EDIL3: variants seen among roughly 807,000 people sequenced by gnomAD.
EDIL3 encodes the protein EGF-like repeat and discoidin I-like domain-containing protein 3.
In EDIL3, 37 loss-of-function variants were observed where a neutral mutation model predicts 67.4. That is an observed-to-expected ratio of 0.55 (90% confidence interval 0.42 to 0.72). The LOEUF (loss-of-function observed/expected upper bound fraction) is 0.72, where lower values mean the gene tolerates loss of function less well. Among genes scored for constraint, EDIL3 ranks in the 30% least tolerant of loss-of-function variants. EDIL3 has a pLI of 0.00. For synonymous variants in EDIL3, 195 were observed against 196.3 expected (o/e 0.99, Z 0.05); for missense variants, 527 against 586.3 (o/e 0.90, Z 1.04).
chr5:84,218,208 G>A (rs960454491), intron 3 of EDIL3, among the ~76,000 whole-genome samples: 1 of 152,088 alleles, frequency 6.6e-6, no homozygotes, highest in Non-Finnish European at 1.5e-5. Context: ...ATAAAATTTT[G>A]TGTTTTGGCT....
At chr5:84,094,102 G>A (rs565638348) in intron 6 of EDIL3, among the ~76,000 whole-genome samples, 1 of 152,294 alleles carries the variant, frequency 6.6e-6, no homozygotes, top group South Asian at 2.1e-4. Flanking sequence ...TATAACTGTG[G>A]TAAATGACCA....
chr5:84,041,559 C>T (rs565491345), intron 9 of EDIL3, among the ~76,000 whole-genome samples: 267 of 139,914 alleles, frequency 1.9e-3, no homozygotes, highest in Admixed American at 3.5e-3. Flanking sequence ...TATATATATA[C>T]ATATATAGTA....
chr5:84,004,926 T>C (rs571664173), intron 9 of EDIL3, among the ~76,000 whole-genome samples: 22 of 152,034 alleles, frequency 1.4e-4, no homozygotes, highest in Non-Finnish European at 2.8e-4. Context: ...TAAATAAGAT[T>C]GATAAAGTGC....
At chr5:84,247,700 T>C (rs1253019931) in intron 2 of EDIL3, among the ~76,000 whole-genome samples, 2 of 152,000 alleles carry the variant, frequency 1.3e-5, no homozygotes, top group Non-Finnish European at 2.9e-5. Context: ...ATATGATAGG[T>C]AAAAGAGGAT....
Position 84,160,788 on chromosome 5 carries a change from TCC to T in EDIL3, c.355+19603_355+19604del, listed in dbSNP as rs1175226810. On this transcript the variant is annotated intron_variant, in intron 4 of 10. Coordinates refer to ENST00000296591, the MANE Select transcript of EDIL3 (RefSeq NM_005711.5). ...TCCTTTCCTTTCCTTTCCTTTCCTTTCCTTTCCTTTCCTTTCCTTTCCTTTCC... is the reference window on the plus strand; with the variant it reads ...TCCTTTCCTTTCCTTTCCTTTCCTTTTTTCCTTTCCTTTCCTTTCCTTTCC... Among the ~76,000 whole-genome samples the T allele has an allele frequency of 1.8e-3, 233 of 132,270 alleles. 3 individuals carry two copies. Among genetic ancestry groups the T allele is most frequent in the African/African-American group, 6.7e-3 (228 of 34,202 alleles). The allele number at this position is 132,270 out of a possible 152,430, so 86.8% of individuals were successfully genotyped here.
chr5:84,182,476 A>G (rs565957794), intron 3 of EDIL3, among the ~76,000 whole-genome samples: 138 of 152,084 alleles, frequency 9.1e-4, no homozygotes, highest in African/African-American at 3.1e-3. Flanking sequence ...ACTTTAAAAA[A>G]AACAAACAAA....
At chr5:84,291,794 C>T (rs13177807) in intron 1 of EDIL3, among the ~76,000 whole-genome samples, 1 of 146,494 alleles carries the variant, frequency 6.8e-6, no homozygotes, top group Non-Finnish European at 1.5e-5. Context: ...GATATATACA[C>T]ACACATATAT....
chr5:83,944,300 C>A (rs1744275332), intron 10 of EDIL3, among the ~76,000 whole-genome samples: 1 of 151,692 alleles, frequency 6.6e-6, no homozygotes, highest in South Asian at 2.1e-4. Flanking sequence ...TCTATTAATT[C>A]CTGGATCCAT....
chr5:84,011,869 C>G (rs1745522777), intron 9 of EDIL3, among the ~76,000 whole-genome samples: 1 of 152,096 alleles, frequency 6.6e-6, no homozygotes, highest in African/African-American at 2.4e-5. Flanking sequence ...CATTTACATA[C>G]TCTCTCTCTA....
intron 3 of EDIL3, among the ~76,000 whole-genome samples, chr5:84,208,510 T>A (rs1744036482): frequency 6.7e-6 from 1 of 150,160 alleles, no homozygotes; most frequent in African/African-American, 2.5e-5. Flanking sequence ...AAACCCCGTC[T>A]CTACCAAAAA....
At chr5:84,013,284 A>T (rs1339081978) in intron 9 of EDIL3, among the ~76,000 whole-genome samples, 1 of 152,098 alleles carries the variant, frequency 6.6e-6, no homozygotes, top group Non-Finnish European at 1.5e-5. Context: ...CTTCAATCTA[A>T]AAACAATAAG....
chr5:84,215,406 A>G (rs1744208625), intron 3 of EDIL3, among the ~76,000 whole-genome samples: 1 of 151,612 alleles, frequency 6.6e-6, no homozygotes. Flanking sequence ...GGCGCCCGCC[A>G]CCACACCTGG....
chr5:84,033,058 A>C (rs1745956832), intron 9 of EDIL3, among the ~76,000 whole-genome samples: 1 of 152,128 alleles, frequency 6.6e-6, no homozygotes, highest in African/African-American at 2.4e-5. Flanking sequence ...CTGTCAGCCC[A>C]ACAGGTATAC....
intron 9 of EDIL3, among the ~76,000 whole-genome samples, chr5:84,057,420 TC>T (rs1746469165): frequency 6.6e-6 from 1 of 151,830 alleles, no homozygotes; most frequent in South Asian, 2.1e-4. Flanking sequence ...TTTGCCTTAT[TC>T]CACACAGCAT....
chr5:83,947,305 G>C (rs1216469039), intron 10 of EDIL3, among the ~76,000 whole-genome samples: 4 of 151,540 alleles, frequency 2.6e-5, no homozygotes, highest in African/African-American at 4.8e-5. Flanking sequence ...CTGTTCTTAA[G>C]GGATAGAGGA....
chr5:84,359,954 A>C (rs1747563452), intron 1 of EDIL3, among the ~76,000 whole-genome samples: 2 of 152,344 alleles, frequency 1.3e-5, no homozygotes, highest in South Asian at 2.1e-4. Context: ...CTTAAAGATT[A>C]TAATTACCAT....
intron 1 of EDIL3, among the ~76,000 whole-genome samples, chr5:84,256,168 T>C (rs1430344601): frequency 8.3e-6 from 1 of 120,932 alleles, no homozygotes; most frequent in Non-Finnish European, 1.8e-5. Flanking sequence ...TCTATCCATT[T>C]ATCCATCCAC....
chr5:84,135,303 G>T (rs1306407883), intron 5 of EDIL3, among the ~76,000 whole-genome samples: 2 of 152,120 alleles, frequency 1.3e-5, no homozygotes. Flanking sequence ...CCCTAGTCAG[G>T]CCTCCTATGG....
chr5:84,052,104 G>T (rs561456543), intron 9 of EDIL3, among the ~76,000 whole-genome samples: 2 of 152,192 alleles, frequency 1.3e-5, no homozygotes, highest in Admixed American at 6.5e-5. Flanking sequence ...GACTAACAGC[G>T]GATCTCTCGG....
Sources: gnomAD v4.1 joint callset for allele counts (sites outside exome capture counted in the v4.1 genomes callset) on GRCh38, gnomAD v4.1.1 for gene constraint, MANE v1.5 for transcripts, NCBI Gene and HGNC (gene_info 2026-07-23, HGNC 2026-07-21) for gene names.